The following EXOC6B variants were observed in gnomAD, a reference collection of about 807,000 sequenced individuals.
EXOC6B encodes exocyst complex component 6B.
Under a neutral mutation model 113.5 loss-of-function variants are expected in EXOC6B, and 54 were observed. The ratio of observed to expected loss-of-function variants is 0.48; its 90% confidence interval spans 0.38 to 0.60. EXOC6B has a LOEUF of 0.60. EXOC6B is among the 20% of genes least tolerant of loss of function. EXOC6B has a pLI of 0.00. For missense variants in EXOC6B, 797 were observed against 977.5 expected (o/e 0.82, Z 2.46); for synonymous variants, 357 against 339.0 (o/e 1.05, Z -0.58).
Position 72,177,391 on chromosome 2 carries a change from G to T in EXOC6B, c.*1944C>A, listed in dbSNP as rs536139729. ...GCTGCAAACTGGGTACTAGCAAAGA[G>T]AAGTGTTTTGAACTCTTCTCAAGCA... On this transcript the variant is annotated 3_prime_UTR_variant, in exon 22 of 22. Coordinates refer to ENST00000272427, the MANE Select transcript of EXOC6B (RefSeq NM_015189.3). 6.6e-6 allele frequency: 1 copy of T among 152,246 alleles called. No individual in the cohort carries two copies. The highest frequency in any genetic ancestry group is 2.4e-5 in the African/African-American group (1 of 41,478). The allele number at this position is 152,246 out of a possible 1,614,324, so 9.4% of individuals were successfully genotyped here. A position where few individuals can be genotyped will look rare whatever the true frequency, so the allele number is the denominator to read the frequency against.
intron 8 of EXOC6B, among the ~76,000 whole-genome samples, chr2:72,533,030 A>T (rs906188911): frequency 6.6e-6 from 1 of 152,194 alleles, no homozygotes; most frequent in African/African-American, 2.4e-5. Flanking sequence ...TTATTTTGAA[A>T]TAGTCAAATA....
chr2:72,301,956 C>A (rs1686560443), intron 20 of EXOC6B, among the ~76,000 whole-genome samples: 1 of 152,080 alleles, frequency 6.6e-6, no homozygotes, highest in Non-Finnish European at 1.5e-5. Context: ...ATCTTTCTAA[C>A]TTTTTGATGT....
chr2:72,612,589 T>G (rs1336283036), intron 6 of EXOC6B, among the ~76,000 whole-genome samples: 1 of 152,218 alleles, frequency 6.6e-6, no homozygotes, highest in African/African-American at 2.4e-5. Context: ...CAGCTTTTGC[T>G]TCCTGTTTTC....
chr2:72,358,103 A>G (rs1690079831), intron 19 of EXOC6B, among the ~76,000 whole-genome samples: 1 of 152,166 alleles, frequency 6.6e-6, no homozygotes, highest in Non-Finnish European at 1.5e-5. Context: ...CCTGGTAAAC[A>G]TGGCATAATA....
intron 1 of EXOC6B, among the ~76,000 whole-genome samples, chr2:72,822,246 A>G (rs1686621542): frequency 2.0e-5 from 3 of 152,216 alleles, no homozygotes; most frequent in Non-Finnish European, 2.9e-5. Flanking sequence ...AAAACAGGAC[A>G]GGCAGGCTTT....
At chr2:72,631,400 G>A (rs957866430) in intron 6 of EXOC6B, among the ~76,000 whole-genome samples, 1 of 135,232 alleles carries the variant, frequency 7.4e-6, no homozygotes, top group Non-Finnish European at 1.6e-5. Context: ...ATAGTAGTGT[G>A]TGTATATGTG....
chr2:72,366,987 A>G (rs1189518281), intron 19 of EXOC6B, among the ~76,000 whole-genome samples: 2 of 152,252 alleles, frequency 1.3e-5, no homozygotes, highest in South Asian at 2.1e-4. Flanking sequence ...GACATGAAGA[A>G]TGCAGAATAC....
chr2:72,365,274 TA>T (rs1268548447), intron 19 of EXOC6B, among the ~76,000 whole-genome samples: 1 of 151,712 alleles, frequency 6.6e-6, no homozygotes, highest in African/African-American at 2.4e-5. Flanking sequence ...TCTTGAAAAG[TA>T]TTCACTTGAT....
intron 6 of EXOC6B, among the ~76,000 whole-genome samples, chr2:72,604,107 C>T (rs189328085): frequency 3.9e-5 from 6 of 152,192 alleles, no homozygotes; most frequent in East Asian, 1.9e-4. Context: ...TTGACACTGA[C>T]GGAAGTTTCT....
chr2:72,633,351 A>ATGT lies in EXOC6B; in HGVS notation c.670-57686_670-57684dup, dbSNP rs572167142. Among the ~76,000 whole-genome samples, 124 of 152,144 alleles carry ATGT rather than the reference A, an allele frequency of 8.2e-4. 2 individuals carry two copies. Among genetic ancestry groups the ATGT allele is most frequent in the Admixed American group, 2.0e-3 (30 of 15,270 alleles). ...GAAATTAGCCAGGATCACACAATGT[A>ATGT]TGTTGTTGTTGTTGTTGTTGGAAGA... is the stretch of plus-strand genomic sequence containing the variant. On this transcript the variant is annotated intron_variant, in intron 6 of 21. Coordinates refer to ENST00000272427, the MANE Select transcript of EXOC6B (RefSeq NM_015189.3).
At chr2:72,244,596 A>G (rs1174321015) in intron 20 of EXOC6B, among the ~76,000 whole-genome samples, 1 of 152,092 alleles carries the variant, frequency 6.6e-6, no homozygotes, top group East Asian at 1.9e-4. Context: ...AAACTGATGA[A>G]AATTGACAAA....
intron 6 of EXOC6B, among the ~76,000 whole-genome samples, chr2:72,640,805 A>T (rs756498787): frequency 2.8e-4 from 42 of 152,186 alleles, no homozygotes; most frequent in Non-Finnish European, 5.3e-4. Flanking sequence ...GAAAACAAAA[A>T]AGCAGGGGTT....
chr2:72,518,012 T>C (rs1701301383), intron 8 of EXOC6B, among the ~76,000 whole-genome samples: 1 of 152,164 alleles, frequency 6.6e-6, no homozygotes. Context: ...TAAATTCACC[T>C]TTCATTATTC....
chr2:72,806,448 T>A (rs183869271), intron 1 of EXOC6B, among the ~76,000 whole-genome samples: 1 of 152,206 alleles, frequency 6.6e-6, no homozygotes, highest in Non-Finnish European at 1.5e-5. Context: ...AAAGACCAAG[T>A]TGATTCTATG....
In EXOC6B at chr2:72,539,282, A is replaced by G. The variant is rs138925605; in HGVS notation, c.915+20171T>C. 2.6e-3 allele frequency among the ~76,000 whole-genome samples: 395 copies of G among 152,330 alleles called. 1 individual carries two copies. Among genetic ancestry groups the G allele is most frequent in the African/African-American group, 8.7e-3 (363 of 41,574 alleles). On this transcript the variant is annotated intron_variant, in intron 8 of 21. Coordinates refer to ENST00000272427, the MANE Select transcript of EXOC6B (RefSeq NM_015189.3). Reference sequence around the variant, plus strand: ...TCCCCACGATGACAAGACCTTTGTGAGCAGGCAAGGGAGTTGAGAAGAGAG... The same window carrying G: ...TCCCCACGATGACAAGACCTTTGTGGGCAGGCAAGGGAGTTGAGAAGAGAG...
At chr2:72,252,517 C>T (rs2104551486) in intron 20 of EXOC6B, among the ~76,000 whole-genome samples, 1 of 152,198 alleles carries the variant, frequency 6.6e-6, no homozygotes, top group East Asian at 1.9e-4. Context: ...AGAGTAAAAG[C>T]TTCAGTTTTG....
At chr2:72,256,317 T>C in intron 20 of EXOC6B, among the ~76,000 whole-genome samples, 1 of 152,232 alleles carries the variant, frequency 6.6e-6, no homozygotes, top group Non-Finnish European at 1.5e-5. Flanking sequence ...TAATTTGTTA[T>C]GGCAGCCACA....
At chr2:72,543,849 C>G (rs1702754464) in intron 8 of EXOC6B, among the ~76,000 whole-genome samples, 1 of 152,156 alleles carries the variant, frequency 6.6e-6, no homozygotes, top group Non-Finnish European at 1.5e-5. Flanking sequence ...TAAGATATGG[C>G]AGGAGACTGA....
In EXOC6B at chr2:72,467,029, A is replaced by G. The variant is rs559657605; in HGVS notation, c.1801-1690T>C. ...CCCCAGCTCTGGTAACTATCATTCT[A>G]TTTTCTGTTTCTATGAATTCAACAT... On this transcript the variant is annotated intron_variant, in intron 17 of 21. Transcript: ENST00000272427. 1.6e-4 allele frequency among the ~76,000 whole-genome samples: 25 copies of G among 152,174 alleles called. No homozygotes were observed. In the South Asian group the frequency reaches 2.7e-3, roughly 16 times the overall value.
Sources: gnomAD v4.1 joint callset for allele counts (sites outside exome capture counted in the v4.1 genomes callset) on GRCh38, gnomAD v4.1.1 for gene constraint, MANE v1.5 for transcripts, NCBI Gene and HGNC (gene_info 2026-07-23, HGNC 2026-07-21) for gene names.